The following FBXO21 variants were observed in gnomAD, a reference collection of about 807,000 sequenced individuals.
FBXO21 encodes the protein F-box protein 21, also known as F-box only protein 21.
FBXO21 carries 32 observed loss-of-function variants against 76.6 expected under a neutral mutation model. That is an observed-to-expected ratio of 0.42 (90% CI 0.32 to 0.56). FBXO21 has a LOEUF of 0.56. FBXO21 is among the 20% of genes least tolerant of loss of function. The pLI, the probability that FBXO21 is intolerant of heterozygous loss-of-function variation, is 0.16. For synonymous variants in FBXO21, 328 were observed against 311.5 expected, an observed-to-expected ratio of 1.05 and a Z score of -0.56; for missense variants, 586 against 797.3, an observed-to-expected ratio of 0.73 and a Z score of 3.19.
chr12:117,174,123 C>A (rs545079011), intron 6 of FBXO21, 82 bp downstream of exon 6: 3 of 1,156,864 alleles, frequency 2.6e-6, no homozygotes, highest in Non-Finnish European at 3.8e-6. Context: ...AGCAACAGAG[C>A]GAGACCCTGT....
chr12:117,161,230 A>G (rs1955972900), intron 9 of FBXO21, among the ~76,000 whole-genome samples: 1 of 152,024 alleles, frequency 6.6e-6, no homozygotes, highest in Admixed American at 6.5e-5. Context: ...TGAGCCAGCA[A>G]ATGGAGTTGA....
rs752987187 is a variant in FBXO21 at position 117,174,304 on chromosome 12, G to T, written c.777C>A (p.Ser259Arg). ...SSMIMEIELQ[S>R]QVLDAMNYVL... ...CATAGTTCATGGCATCCAGCACCTG[G>T]CTCTGGAGTTCTATTTCCATTATCA... The change falls in exon 6 of 12, where the codon AGC becomes AGA. Residue 259 changes from serine (S) to arginine (R), a missense_variant. Ser to Arg is a moderately radical substitution (Grantham distance 110, BLOSUM62 -1). This residue lies in a region of FBXO21 where 246 missense variants were observed against 356.8 expected (regional missense o/e 0.69). Transcript: ENST00000622495. The T allele has an allele frequency of 6.2e-7, 1 of 1,613,824 alleles. No homozygotes were observed. Among genetic ancestry groups the T allele is most frequent in the Non-Finnish European group, 8.5e-7 (1 of 1,179,758 alleles).
chr12:117,182,707 C>T (rs1049503317), intron 3 of FBXO21, among the ~76,000 whole-genome samples: 3 of 151,758 alleles, frequency 2.0e-5, no homozygotes, highest in Non-Finnish European at 2.9e-5. Context: ...GGATTACAGG[C>T]GTGTGCCACC....
At chr12:117,182,353 G>A (rs1956242684) in intron 3 of FBXO21, among the ~76,000 whole-genome samples, 1 of 152,082 alleles carries the variant, frequency 6.6e-6, no homozygotes, top group Non-Finnish European at 1.5e-5. Flanking sequence ...AGCCAGGCAT[G>A]ATGGTACATG....
At chr12:117,148,899 G>A (rs542152902) in intron 11 of FBXO21, among the ~76,000 whole-genome samples, 3 of 152,262 alleles carry the variant, frequency 2.0e-5, no homozygotes, top group South Asian at 4.2e-4. Context: ...CACTAACTCT[G>A]ATCTCTCTAC....
chr12:117,179,519 G>A (rs747421051), intron 3 of FBXO21, among the ~76,000 whole-genome samples: 4 of 151,452 alleles, frequency 2.6e-5, no homozygotes, highest in East Asian at 1.9e-4. Flanking sequence ...GTTTCCCATC[G>A]TCTGAAATTT....
chr12:117,168,251 T>G (rs1169197934), intron 7 of FBXO21, among the ~76,000 whole-genome samples: 1 of 152,126 alleles, frequency 6.6e-6, no homozygotes, highest in African/African-American at 2.4e-5. Context: ...TATAGCTGGG[T>G]GCGGTGGCTA....
chr12:117,189,821 C>T (rs1332894488), intron 1 of FBXO21, among the ~76,000 whole-genome samples: 1 of 152,218 alleles, frequency 6.6e-6, no homozygotes, highest in Non-Finnish European at 1.5e-5. Context: ...CAGATTTCAT[C>T]CTGGGGCCAC....
chr12:117,169,592 T>C (rs1452727969), intron 7 of FBXO21, among the ~76,000 whole-genome samples: 1 of 152,214 alleles, frequency 6.6e-6, no homozygotes, highest in Non-Finnish European at 1.5e-5. Flanking sequence ...GCCTAGCTAT[T>C]AATAAAACTT....
chr12:117,177,378 A>G (rs1172932661), intron 4 of FBXO21, 142 bp downstream of exon 4: 15 of 704,510 alleles, frequency 2.1e-5, no homozygotes, highest in Non-Finnish European at 3.2e-5. Flanking sequence ...AGGCCCTATA[A>G]TCCAACCTGC....
intron 9 of FBXO21, among the ~76,000 whole-genome samples, chr12:117,164,544 G>C (rs1956028644): frequency 6.6e-6 from 1 of 152,108 alleles, no homozygotes; most frequent in South Asian, 2.1e-4. Context: ...CCAAAGTGCT[G>C]GGATTACAGG....
chr12:117,190,272 A>C lies in FBXO21; in HGVS notation c.185T>G (p.Leu62Arg). 6.5e-7 allele frequency: 1 copy of C among 1,541,182 alleles called. No homozygotes were observed. Among genetic ancestry groups the C allele is most frequent in the Non-Finnish European group, 8.7e-7 (1 of 1,154,584 alleles). Residue 62 changes from leucine to arginine, a missense_variant, in exon 1 of 12, where the codon CTG becomes CGG. Physicochemically the swap from Leu to Arg is moderately radical, Grantham distance 102. Coordinates refer to ENST00000622495, the MANE Select transcript of FBXO21 (RefSeq NM_015002.3). ...CCCGCTGCTCTGGCACAGCTCGCGC[A>C]GCCGCCGGCAGGTGCTGGAGACACG... ...IGRVSSTCRR[L>R]RELCQSSGKV...
intron 2 of FBXO21, among the ~76,000 whole-genome samples, chr12:117,187,938 A>G (rs1956300081): frequency 6.6e-6 from 1 of 152,256 alleles, no homozygotes; most frequent in South Asian, 2.1e-4. Context: ...ATTTATAGAA[A>G]CCAATTACAC....
chr12:117,173,384 G>A (rs534415850), intron 6 of FBXO21, among the ~76,000 whole-genome samples: 15 of 152,312 alleles, frequency 9.8e-5, no homozygotes, highest in African/African-American at 3.1e-4. Flanking sequence ...GTCAAGCCCT[G>A]ATTTAGGCCC....
At chr12:117,150,871 C>CTCTGTGTG (rs1555239212) in intron 11 of FBXO21, among the ~76,000 whole-genome samples, 5 of 127,714 alleles carry the variant, frequency 3.9e-5, no homozygotes, top group African/African-American at 1.5e-4. Context: ...TGGCCATGGA[C>CTCTGTGTG]TGTGTGTGTG....
chr12:117,184,682 G>A (rs907112594), intron 3 of FBXO21, among the ~76,000 whole-genome samples: 1 of 152,168 alleles, frequency 6.6e-6, no homozygotes, highest in Non-Finnish European at 1.5e-5. Context: ...GGACCCAGGA[G>A]GCAGAGGTTG....
Position 117,188,317 on chromosome 12 carries a change from G to A in FBXO21, c.375+910C>T, listed in dbSNP as rs570552497. 8.5e-5 allele frequency among the ~76,000 whole-genome samples: 13 copies of A among 152,310 alleles called. 1 individual carries two copies. In the East Asian group the frequency reaches 1.4e-3, roughly 16 times the overall value. On this transcript the variant is annotated intron_variant, in intron 2 of 11. Transcript: ENST00000622495. Reference sequence around the variant, plus strand: ...CCCAACACTTTGGTTTGCAGAGGCCGGCGGATCACTTGAGACCAGGTGTTC... The same window carrying A: ...CCCAACACTTTGGTTTGCAGAGGCCAGCGGATCACTTGAGACCAGGTGTTC...
chr12:117,185,627 T>C lies in FBXO21; in HGVS notation c.470+850A>G, dbSNP rs185127866. On this transcript the variant is annotated intron_variant, in intron 3 of 11. Transcript: ENST00000622495. ...ACATAAGGGGTTCTTCTTGATCAAG[T>C]GAGTCCCTAAGTACGCAGTTTTCTG... 5.3e-5 allele frequency among the ~76,000 whole-genome samples: 8 copies of C among 152,272 alleles called. No homozygotes were observed. The East Asian group carries it at 1.5e-3, about 29-fold the overall frequency.
intron 2 of FBXO21, among the ~76,000 whole-genome samples, chr12:117,187,611 G>C (rs1015741449): frequency 1.3e-5 from 2 of 152,150 alleles, no homozygotes; most frequent in Non-Finnish European, 2.9e-5. Flanking sequence ...CTCCCGCTGT[G>C]TTCAAAGTCC....
Sources: gnomAD v4.1 joint callset for allele counts (sites outside exome capture counted in the v4.1 genomes callset) on GRCh38, gnomAD v4.1.1 for gene constraint, gnomAD v4.1.1 regional missense constraint, MANE v1.5 for transcripts, NCBI Gene and HGNC (gene_info 2026-07-23, HGNC 2026-07-21) for gene names.